SLC3A1: variants seen among roughly 807,000 people sequenced by gnomAD.
SLC3A1 encodes the protein solute carrier family 3 member 1.
In SLC3A1, 78 loss-of-function variants were observed where a neutral mutation model predicts 60.3. The ratio of observed to expected loss-of-function variants is 1.29; its 90% confidence interval spans 1.08 to 1.56. SLC3A1 has a LOEUF of 1.56. Ranked by LOEUF, SLC3A1 falls within the 40% of genes most tolerant of loss-of-function variation. SLC3A1 has a pLI of 0.00. For missense variants in SLC3A1, 1,172 were observed against 858.9 expected, an observed-to-expected ratio of 1.36 and a Z score of -4.56; for synonymous variants, 392 against 307.9, an observed-to-expected ratio of 1.27 and a Z score of -2.86.
In SLC3A1 at chr2:44,319,859, C is replaced by T. The variant is rs1181716996; in HGVS notation, c.1618-340C>T. 1.9e-5 allele frequency: 5 copies of T among 263,422 alleles called. No individual in the cohort carries two copies. In the East Asian group the frequency reaches 4.9e-4, roughly 26 times the overall value. 16.3% of individuals were successfully genotyped at this position (263,422 alleles called of 1,614,324 possible). A position where few individuals can be genotyped will look rare whatever the true frequency, so the allele number is the denominator to read the frequency against. ...GCCATCTGGCAGTTACAATATAGCA[C>T]AGAATGACTATGCAAGTTAAATATT... On this transcript the variant is annotated intron_variant, in intron 9 of 9. Coordinates refer to ENST00000260649, the MANE Select transcript of SLC3A1 (RefSeq NM_000341.4).
At chr2:44,306,634 A>T (rs2104374360) in intron 7 of SLC3A1, among the ~76,000 whole-genome samples, 2 of 147,476 alleles carry the variant, frequency 1.4e-5, no homozygotes, top group Non-Finnish European at 3.0e-5. Flanking sequence ...GCTCACTTCA[A>T]CCTCTGCCTC....
At position 44,281,561 on chromosome 2, in the gene SLC3A1, A is replaced by C. The variant is rs370178934; in HGVS notation, c.765+20A>C. 3.7e-6 allele frequency: 6 copies of C among 1,613,054 alleles called. No individual in the cohort carries two copies. The highest frequency in any genetic ancestry group is 5.1e-6 in the Non-Finnish European group (6 of 1,179,166). On this transcript the variant is annotated intron_variant, in intron 3 of 9. Coordinates refer to ENST00000260649, the MANE Select transcript of SLC3A1 (RefSeq NM_000341.4). ...AACTGGGTAAGTATCAACCTGTCTGACTTACAAAGGGGTAAAAGGCAGATA... is the reference window on the plus strand; with the variant it reads ...AACTGGGTAAGTATCAACCTGTCTGCCTTACAAAGGGGTAAAAGGCAGATA...
intron 4 of SLC3A1, 66 bp from the exon 5 acceptor site, chr2:44,299,905 C>T: frequency 6.4e-7 from 1 of 1,563,252 alleles, no homozygotes; most frequent in Non-Finnish European, 8.8e-7. Flanking sequence ...ACAGTCAAAA[C>T]TTTGATTAAA....
intron 7 of SLC3A1, among the ~76,000 whole-genome samples, chr2:44,305,427 C>CT (rs139686441): frequency 0.015 from 1,696 of 115,864 alleles, 64 homozygotes; most frequent in Admixed American, 0.1. Flanking sequence ...TCTTTTCTTA[C>CT]TTTTTTTTTT....
At chr2:44,297,448 C>T (rs897258308) in intron 4 of SLC3A1, among the ~76,000 whole-genome samples, 1 of 152,156 alleles carries the variant, frequency 6.6e-6, no homozygotes, top group Admixed American at 6.5e-5. Context: ...GAAATCCCAC[C>T]AGGTCATCTA....
chr2:44,275,801 T>C lies in SLC3A1; in HGVS notation c.266T>C (p.Leu89Pro), dbSNP rs1453871309. The change falls in exon 1 of 10, where the codon CTC becomes CCC. Residue 89 changes from leucine (L) to proline (P), a missense_variant. Coordinates refer to ENST00000260649, the MANE Select transcript of SLC3A1 (RefSeq NM_000341.4). The stretch of plus-strand genomic sequence containing the variant: ...CGCTACCGCATACCTCGGGAGATCC[T>C]CTTCTGGCTCACAGTGGCTTCTGTG... ...QARYRIPREI[L>P]FWLTVASVLV... 34 of 1,614,142 alleles carry C rather than the reference T, an allele frequency of 2.1e-5. No homozygotes were observed. In the Admixed American group the frequency reaches 2.3e-4, roughly 11 times the overall value.
chr2:44,290,550 T>G (rs1318656758), intron 4 of SLC3A1, among the ~76,000 whole-genome samples: 2 of 152,234 alleles, frequency 1.3e-5, no homozygotes, highest in African/African-American at 2.4e-5. Context: ...GTCTTCCAAT[T>G]CATGAACATG....
chr2:44,293,983 G>C (rs1671793790), intron 4 of SLC3A1, among the ~76,000 whole-genome samples: 1 of 152,092 alleles, frequency 6.6e-6, no homozygotes, highest in South Asian at 2.1e-4. Context: ...TACAGTACTT[G>C]TTAAATAGTC....
rs749406831 is a variant in SLC3A1, at chr2:44,280,755, T to A, written c.470T>A (p.Ile157Lys). 2 of 1,611,928 alleles carry A rather than the reference T, an allele frequency of 1.2e-6. No individual in the cohort carries two copies. Among genetic ancestry groups the A allele is most frequent in the East Asian group, 2.2e-5 (1 of 44,850 alleles). ...CTGGACTACATCACAGCTTTAAATA[T>A]AAAAACTGTTTGGATTACTTCATTT... is the stretch of plus-strand genomic sequence containing the variant. ...DKLDYITALN[I>K]KTVWITSFYK... is the part of the protein sequence containing the mutation. Residue 157 changes from isoleucine to lysine, a missense_variant, in exon 2 of 10, where the codon ATA becomes AAA. Coordinates refer to ENST00000260649, the MANE Select transcript of SLC3A1 (RefSeq NM_000341.4).
downstream of SLC3A1, chr2:44,321,542 G>A: frequency 1.3e-6 from 2 of 1,523,006 alleles, no homozygotes; most frequent in Middle Eastern, 4.0e-4. Flanking sequence ...ACCTAACCGT[G>A]AAGTCAGCAA....
intron 3 of SLC3A1, among the ~76,000 whole-genome samples, chr2:44,284,369 C>G (rs776135356): frequency 1.3e-5 from 2 of 152,104 alleles, no homozygotes; most frequent in Non-Finnish European, 2.9e-5. Flanking sequence ...TGAGCCACCA[C>G]GCCCAACCAA....
At chr2:44,298,658 G>A (rs1020417298) in intron 4 of SLC3A1, among the ~76,000 whole-genome samples, 6 of 151,996 alleles carry the variant, frequency 3.9e-5, no homozygotes, top group East Asian at 1.9e-4. Context: ...GATTATAGGC[G>A]TGAGCCGCTG....
chr2:44,304,117 A>G, intron 6 of SLC3A1, 26 bp from the exon 7 acceptor site: 2 of 1,597,364 alleles, frequency 1.3e-6, no homozygotes, highest in Non-Finnish European at 1.7e-6. Flanking sequence ...GGCCCCGATG[A>G]CACTGAACCT....
At chr2:44,299,001 A>C (rs1671928619) in intron 4 of SLC3A1, among the ~76,000 whole-genome samples, 1 of 151,010 alleles carries the variant, frequency 6.6e-6, no homozygotes, top group African/African-American at 2.4e-5. Context: ...TTTATTTGTG[A>C]AATTAAAGCC....
At chr2:44,292,679 G>T (rs1464326434) in intron 4 of SLC3A1, among the ~76,000 whole-genome samples, 1 of 152,126 alleles carries the variant, frequency 6.6e-6, no homozygotes, top group Non-Finnish European at 1.5e-5. Context: ...TAAGTGAAGA[G>T]GCATGGGTGG....
intron 7 of SLC3A1, among the ~76,000 whole-genome samples, chr2:44,304,593 A>G (rs931853435): frequency 5.9e-5 from 9 of 152,112 alleles, no homozygotes; most frequent in African/African-American, 4.8e-5. Flanking sequence ...TTGGGGATGG[A>G]TATCAAACCA....
At chr2:44,318,750 A>G (rs1672662359) in intron 9 of SLC3A1, 1 of 152,232 alleles carries the variant, frequency 6.6e-6, no homozygotes, top group African/African-American at 2.4e-5. Context: ...AATAAAAAAT[A>G]AAATTACAAA....
At position 44,311,263 on chromosome 2, in the gene SLC3A1, T is replaced by C. The variant is rs985007993; in HGVS notation, c.1333-1323T>C. ...TTTTATTTTTTCATAATTTCTCTTATCTATTTGATAACTGTTCATATACTT... is the reference window on the plus strand; with the variant it reads ...TTTTATTTTTTCATAATTTCTCTTACCTATTTGATAACTGTTCATATACTT... On this transcript the variant is annotated intron_variant, in intron 7 of 9. Transcript: ENST00000260649. 3.3e-5 allele frequency among the ~76,000 whole-genome samples: 5 copies of C among 152,350 alleles called. No homozygotes were observed. The South Asian group carries it at 1.0e-3, about 32-fold the overall frequency.
intron 4 of SLC3A1, among the ~76,000 whole-genome samples, chr2:44,288,840 A>G (rs1336446385): frequency 6.6e-6 from 1 of 151,740 alleles, no homozygotes; most frequent in African/African-American, 2.4e-5. Context: ...ATTTTTATTT[A>G]TTTATTTTTT....
Sources: gnomAD v4.1 joint callset for allele counts (sites outside exome capture counted in the v4.1 genomes callset) on GRCh38, gnomAD v4.1.1 for gene constraint, MANE v1.5 for transcripts, NCBI Gene and HGNC (gene_info 2026-07-23, HGNC 2026-07-21) for gene names.